Variants in MGAT5 observed in about 807,000 individuals in gnomAD.
MGAT5 encodes the protein alpha-1,6-mannosylglycoprotein 6-beta-N-acetylglucosaminyltransferase.
Under a neutral mutation model 94.3 loss-of-function variants are expected in MGAT5, and 30 were observed. That is an observed-to-expected ratio of 0.32 (90% CI 0.24 to 0.43). The LOEUF is 0.43. MGAT5 is among the 20% of genes least tolerant of loss of function. MGAT5 has a pLI of 1.00. For missense variants in MGAT5, 691 were observed against 905.5 expected (o/e 0.76, Z 3.04); for synonymous variants, 310 against 322.9 (o/e 0.96, Z 0.43).
At chr2:134,281,338 C>T (rs1684682230) in intron 2 of MGAT5, among the ~76,000 whole-genome samples, 1 of 152,174 alleles carries the variant, frequency 6.6e-6, no homozygotes, top group African/African-American at 2.4e-5. Context: ...CAGCATGATG[C>T]CAGGTCTGTG....
At chr2:134,406,926 C>T (rs1683374137) in intron 11 of MGAT5, among the ~76,000 whole-genome samples, 1 of 152,110 alleles carries the variant, frequency 6.6e-6, no homozygotes, top group Non-Finnish European at 1.5e-5. Flanking sequence ...GGGCTTGAGG[C>T]AGCAGACTCT....
At chr2:134,162,642 G>C (rs540949708) in intron 1 of MGAT5, among the ~76,000 whole-genome samples, 2 of 152,320 alleles carry the variant, frequency 1.3e-5, no homozygotes, top group African/African-American at 4.8e-5. Flanking sequence ...TTCAACCCAG[G>C]TTCGTTCTGT....
chr2:134,305,635 A>G (rs1686281852), intron 2 of MGAT5, among the ~76,000 whole-genome samples: 1 of 152,174 alleles, frequency 6.6e-6, no homozygotes, highest in Admixed American at 6.5e-5. Flanking sequence ...GCAGAAATCT[A>G]TGAACTGTGC....
chr2:134,259,511 A>G (rs1181412747), intron 1 of MGAT5, among the ~76,000 whole-genome samples: 1 of 152,090 alleles, frequency 6.6e-6, no homozygotes, highest in Non-Finnish European at 1.5e-5. Context: ...CACGTTGTTA[A>G]CCCTGGCTTC....
intron 12 of MGAT5, among the ~76,000 whole-genome samples, chr2:134,414,816 A>G (rs911303445): frequency 5.9e-5 from 9 of 152,112 alleles, no homozygotes; most frequent in African/African-American, 1.9e-4. Flanking sequence ...TGCGAGTTCA[A>G]CCATTTTACT....
intron 2 of MGAT5, among the ~76,000 whole-genome samples, chr2:134,306,236 A>G (rs1686320154): frequency 6.6e-6 from 1 of 152,230 alleles, no homozygotes; most frequent in African/African-American, 2.4e-5. Context: ...AAAATTAAAT[A>G]TAAACTTACA....
chr2:134,363,835 T>A (rs892908096), intron 10 of MGAT5, among the ~76,000 whole-genome samples: 1 of 152,234 alleles, frequency 6.6e-6, no homozygotes, highest in Non-Finnish European at 1.5e-5. Context: ...TATAAAAATG[T>A]GTCCTGTGTT....
chr2:134,127,406 TCTC>T (rs774038706), intron 1 of MGAT5, among the ~76,000 whole-genome samples: 1 of 152,074 alleles, frequency 6.6e-6, no homozygotes, highest in Non-Finnish European at 1.5e-5. Context: ...CAAATGTAAT[TCTC>T]CTGGGTAAAT....
At chr2:134,196,615 T>C (rs1292716630) in intron 1 of MGAT5, among the ~76,000 whole-genome samples, 1 of 152,260 alleles carries the variant, frequency 6.6e-6, no homozygotes, top group Non-Finnish European at 1.5e-5. Context: ...AGTCGATGCT[T>C]GTAAGTGACA....
upstream of MGAT5, among the ~76,000 whole-genome samples, chr2:134,249,427 G>C (rs1223351309): frequency 2.6e-5 from 4 of 151,802 alleles, no homozygotes; most frequent in Non-Finnish European, 5.9e-5. Flanking sequence ...CCATACCCCA[G>C]CCCTAAGCAA....
At chr2:134,176,572 T>TAA (rs66689362) in intron 1 of MGAT5, among the ~76,000 whole-genome samples, 1,870 of 83,190 alleles carry the variant, frequency 0.022, 109 homozygotes, top group African/African-American at 0.089. Flanking sequence ...GACTCTGTCT[T>TAA]AAAAAAAAAA....
chr2:134,278,827 G>C (rs1684530914), intron 2 of MGAT5, among the ~76,000 whole-genome samples: 1 of 152,272 alleles, frequency 6.6e-6, no homozygotes, highest in Non-Finnish European at 1.5e-5. Context: ...GCATGCTTCT[G>C]TTGTTCTGGC....
chr2:134,435,124 A>G (rs868031563), intron 14 of MGAT5, among the ~76,000 whole-genome samples: 2 of 152,084 alleles, frequency 1.3e-5, no homozygotes, highest in African/African-American at 4.8e-5. Flanking sequence ...CAGCATGCAG[A>G]TCCCGTCACC....
At chr2:134,393,277 A>G (rs1416930996) in intron 10 of MGAT5, among the ~76,000 whole-genome samples, 1 of 152,110 alleles carries the variant, frequency 6.6e-6, no homozygotes, top group Non-Finnish European at 1.5e-5. Context: ...GGCCCCAGAA[A>G]AGGCCAGATT....
At chr2:134,281,554 A>C (rs1395928977) in intron 2 of MGAT5, among the ~76,000 whole-genome samples, 1 of 152,176 alleles carries the variant, frequency 6.6e-6, no homozygotes, top group African/African-American at 2.4e-5. Context: ...TTCAAACACT[A>C]TAGCCATCTC....
intron 10 of MGAT5, among the ~76,000 whole-genome samples, chr2:134,399,991 A>G (rs544117915): frequency 6.6e-6 from 1 of 152,348 alleles, no homozygotes; most frequent in African/African-American, 2.4e-5. Context: ...AAGAGTGTCC[A>G]TGAAGACAGA....
At chr2:134,402,137 A>C (rs1450991286) in intron 10 of MGAT5, among the ~76,000 whole-genome samples, 2 of 152,144 alleles carry the variant, frequency 1.3e-5, no homozygotes, top group Non-Finnish European at 2.9e-5. Flanking sequence ...AAAATTTCCC[A>C]AAAAAAGGAA....
intron 12 of MGAT5, 129 bp downstream of exon 12, chr2:134,413,144 GCAAATGACCTGAT>G: frequency 9.7e-7 from 1 of 1,026,476 alleles, no homozygotes; most frequent in Non-Finnish European, 1.4e-6. Flanking sequence ...GCTCAGAGAG[GCAAATGACCTGAT>G]CACATCACCT....
intron 15 of MGAT5, among the ~76,000 whole-genome samples, chr2:134,447,141 T>C (rs919558408): frequency 6.6e-6 from 1 of 152,146 alleles, no homozygotes; most frequent in Admixed American, 6.5e-5. Flanking sequence ...CACACACATA[T>C]GCATACATAC....
Sources: gnomAD v4.1 joint callset for allele counts (sites outside exome capture counted in the v4.1 genomes callset) on GRCh38, gnomAD v4.1.1 for gene constraint, MANE v1.5 for transcripts, NCBI Gene and HGNC (gene_info 2026-07-23, HGNC 2026-07-21) for gene names.